Variants in CLNK observed in about 807,000 individuals in gnomAD.
CLNK encodes cytokine dependent hematopoietic cell linker.
Under a neutral mutation model 68.6 loss-of-function variants are expected in CLNK, and 74 were observed. The observed-to-expected ratio is 1.08, with a 90% CI of 0.89 to 1.31. CLNK has a LOEUF of 1.31. Among genes scored for constraint, CLNK ranks in the 50% most tolerant of loss-of-function variants. CLNK has a pLI of 0.00. For synonymous variants in CLNK, 198 were observed against 172.2 expected (o/e 1.15, Z -1.17); for missense variants, 553 against 515.3 (o/e 1.07, Z -0.71).
the CLNK span, among the ~76,000 whole-genome samples, chr4:10,719,400 A>C: frequency 6.6e-6 from 1 of 152,106 alleles, no homozygotes; most frequent in Non-Finnish European, 1.5e-5. Flanking sequence ...ATTAATCAAA[A>C]GAAAGAGTGA....
chr4:10,515,609 C>T (rs777917123), intron 15 of CLNK, among the ~76,000 whole-genome samples: 1 of 152,266 alleles, frequency 6.6e-6, no homozygotes. Context: ...GGAAAACAAG[C>T]GGCAGTATCT....
chr4:10,698,029 T>A, the CLNK span, among the ~76,000 whole-genome samples: 6 of 152,156 alleles, frequency 3.9e-5, no homozygotes, highest in Non-Finnish European at 7.4e-5. Flanking sequence ...TTCTGTAACA[T>A]AAGTAGGTAT....
Position 10,593,639 on chromosome 4 carries a change from A to G in CLNK, c.83+4339T>C, listed in dbSNP as rs544295336. On this transcript the variant is annotated intron_variant, in intron 3 of 18. Transcript: ENST00000226951. ...ACTGCACTCCACCCTGGGTGGTAGC[A>G]TGAGACTCAGTCTGAAAACAAAACA... Among the ~76,000 whole-genome samples the G allele has an allele frequency of 2.6e-5, 4 of 152,256 alleles. No homozygotes were observed. The East Asian group carries it at 7.7e-4, about 29-fold the overall frequency.
At chr4:10,493,606 C>T (rs528695727) in intron 18 of CLNK, among the ~76,000 whole-genome samples, 3 of 152,306 alleles carry the variant, frequency 2.0e-5, no homozygotes, top group African/African-American at 4.8e-5. Context: ...AGGATTTCAA[C>T]ACATACATTT....
intron 3 of CLNK, among the ~76,000 whole-genome samples, chr4:10,595,841 G>A (rs141757641): frequency 8.6e-4 from 131 of 152,164 alleles, no homozygotes; most frequent in African/African-American, 3.0e-3. Flanking sequence ...ATCCAGTGAG[G>A]GTTACCTATT....
At chr4:10,495,799 C>G (rs7698826) in intron 18 of CLNK, among the ~76,000 whole-genome samples, 1 of 149,906 alleles carries the variant, frequency 6.7e-6, no homozygotes, top group African/African-American at 2.4e-5. Flanking sequence ...ATAGAGAGAG[C>G]GATGAGGAGA....
At chr4:10,561,778 A>C (rs895761899) in intron 7 of CLNK, among the ~76,000 whole-genome samples, 1 of 152,248 alleles carries the variant, frequency 6.6e-6, no homozygotes, top group African/African-American at 2.4e-5. Flanking sequence ...AGGAAAATAG[A>C]AGAATTTTGA....
At chr4:10,620,832 G>A (rs2108860754) in intron 2 of CLNK, among the ~76,000 whole-genome samples, 1 of 152,148 alleles carries the variant, frequency 6.6e-6, no homozygotes, top group Non-Finnish European at 1.5e-5. Context: ...GCTGGGCGCG[G>A]TGGCTCACAC....
intron 2 of CLNK, among the ~76,000 whole-genome samples, chr4:10,598,961 T>A (rs756895057): frequency 1.3e-4 from 20 of 152,214 alleles, no homozygotes; most frequent in Non-Finnish European, 2.2e-4. Context: ...CGTTCCCTCT[T>A]TATCAGATGC....
intron 6 of CLNK, 98 bp downstream of exon 6, chr4:10,565,911 C>T (rs1577133485): frequency 7.5e-7 from 1 of 1,337,998 alleles, no homozygotes; most frequent in East Asian, 2.5e-5. Flanking sequence ...AGACGTTAAC[C>T]TAGGGTTGTT....
chr4:10,701,605 T>C, the CLNK span, among the ~76,000 whole-genome samples: 1 of 152,196 alleles, frequency 6.6e-6, no homozygotes, highest in Non-Finnish European at 1.5e-5. Flanking sequence ...CCTGATAATA[T>C]GCAGGAACTG....
the CLNK span, among the ~76,000 whole-genome samples, chr4:10,708,266 G>A: frequency 6.6e-6 from 1 of 152,102 alleles, no homozygotes; most frequent in Non-Finnish European, 1.5e-5. Context: ...AGACTTTCAT[G>A]ATTATTGTTT....
chr4:10,675,400 A>T (rs1030207188), intron 1 of CLNK, among the ~76,000 whole-genome samples: 10 of 152,194 alleles, frequency 6.6e-5, no homozygotes, highest in Admixed American at 6.5e-4. Context: ...ATTCAAAAAT[A>T]ATTAATATCC....
chr4:10,528,587 G>T (rs1315690467), intron 12 of CLNK, among the ~76,000 whole-genome samples: 1 of 152,098 alleles, frequency 6.6e-6, no homozygotes, highest in African/African-American at 2.4e-5. Flanking sequence ...ATATTATAAA[G>T]ACATTGTAAG....
chr4:10,581,918 A>G (rs1355835238), intron 4 of CLNK, among the ~76,000 whole-genome samples: 1 of 152,188 alleles, frequency 6.6e-6, no homozygotes, highest in Admixed American at 6.5e-5. Flanking sequence ...AAGTCTAAAG[A>G]ATGGCCCAGA....
intron 1 of CLNK, among the ~76,000 whole-genome samples, chr4:10,680,179 A>AT (rs1244081705): frequency 6.6e-6 from 1 of 152,098 alleles, no homozygotes; most frequent in East Asian, 1.9e-4. Context: ...ATGGAATACT[A>AT]TGCAGCCATA....
intron 5 of CLNK, among the ~76,000 whole-genome samples, chr4:10,566,897 C>A (rs1477159766): frequency 6.6e-6 from 1 of 151,908 alleles, no homozygotes; most frequent in East Asian, 1.9e-4. Flanking sequence ...ATACATTTAA[C>A]AAAAGAAGTG....
intron 4 of CLNK, among the ~76,000 whole-genome samples, chr4:10,583,103 T>C (rs1720841211): frequency 6.6e-6 from 1 of 152,190 alleles, no homozygotes; most frequent in African/African-American, 2.4e-5. Flanking sequence ...TTGAAGGATC[T>C]GGGAATGTTA....
intron 2 of CLNK, among the ~76,000 whole-genome samples, chr4:10,627,141 A>G (rs1021918327): frequency 6.6e-6 from 1 of 152,152 alleles, no homozygotes; most frequent in Admixed American, 6.5e-5. Context: ...CTTGATATCC[A>G]TAGAGAATGG....
Sources: gnomAD v4.1 joint callset for allele counts (sites outside exome capture counted in the v4.1 genomes callset) on GRCh38, gnomAD v4.1.1 for gene constraint, MANE v1.5 for transcripts, NCBI Gene and HGNC (gene_info 2026-07-23, HGNC 2026-07-21) for gene names.